Variants in DAB1 observed in about 807,000 individuals in gnomAD.
DAB1 encodes the protein disabled homolog 1.
In DAB1, 15 loss-of-function variants were observed where a neutral mutation model predicts 64.6. That is an observed-to-expected ratio of 0.23 (90% confidence interval 0.16 to 0.36). The LOEUF is 0.36. Among genes scored for constraint, DAB1 ranks in the 10% least tolerant of loss-of-function variants. The pLI, the probability that DAB1 is intolerant of heterozygous loss-of-function variation, is 1.00. For synonymous variants in DAB1, 235 were observed against 251.9 expected, an observed-to-expected ratio of 0.93 and a Z score of 0.64; for missense variants, 596 against 706.7, an observed-to-expected ratio of 0.84 and a Z score of 1.78.
intron 5 of DAB1, among the ~76,000 whole-genome samples, chr1:57,986,621 T>C (rs113969263): frequency 6.6e-6 from 1 of 152,292 alleles, no homozygotes; most frequent in Non-Finnish European, 1.5e-5. Context: ...TACCTTCTCA[T>C]CTAACATTAA....
intron 1 of DAB1, among the ~76,000 whole-genome samples, chr1:57,292,489 A>T (rs1194966860): frequency 6.6e-6 from 1 of 152,154 alleles, no homozygotes; most frequent in Non-Finnish European, 1.5e-5. Context: ...AGAAAATGAG[A>T]ATTTATCCTG....
intron 6 of DAB1, among the ~76,000 whole-genome samples, chr1:57,676,761 G>T (rs561915365): frequency 6.6e-6 from 1 of 152,102 alleles, no homozygotes; most frequent in Non-Finnish European, 1.5e-5. Context: ...GCCTTTCAAT[G>T]GGCTTTAAGT....
At chr1:58,155,703 C>T (rs929475546) in intron 4 of DAB1, among the ~76,000 whole-genome samples, 6 of 152,200 alleles carry the variant, frequency 3.9e-5, no homozygotes, top group African/African-American at 1.4e-4. Flanking sequence ...ATGACATGAC[C>T]GTAGATACAG....
intron 5 of DAB1, among the ~76,000 whole-genome samples, chr1:58,089,936 C>T (rs575974723): frequency 1.6e-4 from 25 of 152,274 alleles, no homozygotes; most frequent in African/African-American, 5.3e-4. Flanking sequence ...ATACTAGTGG[C>T]GTTTGGGCTG....
chr1:57,009,535 C>A (rs908719924), intron 14 of DAB1, among the ~76,000 whole-genome samples: 8 of 152,158 alleles, frequency 5.3e-5, no homozygotes, highest in African/African-American at 1.9e-4. Flanking sequence ...AAGACTAATT[C>A]TGAGGTAGCC....
At chr1:58,420,972 T>C (rs1467910836) in intron 3 of DAB1, among the ~76,000 whole-genome samples, 2 of 152,194 alleles carry the variant, frequency 1.3e-5, no homozygotes, top group African/African-American at 4.8e-5. Context: ...TTTACCCTAA[T>C]GCATGAAAGA....
chr1:58,080,140 T>C (rs908147282), intron 5 of DAB1: 2 of 152,184 alleles, frequency 1.3e-5, no homozygotes, highest in African/African-American at 4.8e-5. Context: ...TCTGTTAAGG[T>C]GTGCTCAACC....
intron 5 of DAB1, among the ~76,000 whole-genome samples, chr1:57,965,956 C>T (rs1010890612): frequency 1.3e-5 from 2 of 151,986 alleles, no homozygotes; most frequent in African/African-American, 4.8e-5. Context: ...GAGAGGAAAT[C>T]TGATAAATTC....
chr1:57,227,519 TTGTGTGTGTGTG>T (rs57671970), intron 2 of DAB1, among the ~76,000 whole-genome samples: 3,130 of 135,794 alleles, frequency 0.023, 109 homozygotes, highest in African/African-American at 0.078. Context: ...TTTTTTTCTT[TTGTGTGTGTGTG>T]TGTGTGTGTG....
intron 1 of DAB1, among the ~76,000 whole-genome samples, chr1:57,382,931 A>C (rs12127603): frequency 0.31 from 47,812 of 152,010 alleles, 8,021 homozygotes; most frequent in African/African-American, 0.4. Context: ...GCAAACAGAC[A>C]AACAAAAAAA....
At chr1:57,891,480 C>A (rs2101982871) in intron 5 of DAB1, among the ~76,000 whole-genome samples, 1 of 152,284 alleles carries the variant, frequency 6.6e-6, no homozygotes, top group East Asian at 1.9e-4. Flanking sequence ...ACTAGAATTA[C>A]CATTTGACCC....
At position 57,069,378 on chromosome 1, in the gene DAB1, C is replaced by G; in HGVS notation, c.645G>C (p.Thr215=). Residue 215 remains threonine, a synonymous_variant, in exon 8 of 15, where the codon ACG becomes ACC. Coordinates refer to ENST00000371236, the MANE Select transcript of DAB1 (RefSeq NM_001365792.1). ...AGHEPIRDPE[T]EENIYQVPTS... ...TTTATACCTGATAAATGTTTTCTTC[C>G]GTTTCGGGATCACGGATTGGCTCGT... The G allele has an allele frequency of 6.2e-7, 1 of 1,613,414 alleles. No homozygotes were observed. Among genetic ancestry groups the G allele is most frequent in the Non-Finnish European group, 8.5e-7 (1 of 1,179,474 alleles).
At chr1:57,174,630 T>TG (rs1662111473) in intron 2 of DAB1, among the ~76,000 whole-genome samples, 1 of 152,152 alleles carries the variant, frequency 6.6e-6, no homozygotes, top group African/African-American at 2.4e-5. Context: ...CTGCCTTGAG[T>TG]CCTCTGAACA....
intron 11 of DAB1, among the ~76,000 whole-genome samples, chr1:57,016,299 G>A (rs1187911178): frequency 1.3e-5 from 2 of 152,002 alleles, no homozygotes; most frequent in Non-Finnish European, 2.9e-5. Flanking sequence ...AAAAAAAATA[G>A]GGCCAGATGT....
intron 1 of DAB1, among the ~76,000 whole-genome samples, chr1:57,849,263 A>T (rs1365770780): frequency 6.6e-6 from 1 of 152,206 alleles, no homozygotes; most frequent in Non-Finnish European, 1.5e-5. Flanking sequence ...CTGCTACACC[A>T]AATGCATGAA....
intron 5 of DAB1, among the ~76,000 whole-genome samples, chr1:57,922,840 C>A (rs1485067608): frequency 1.1e-4 from 6 of 54,666 alleles, no homozygotes; most frequent in Admixed American, 2.9e-4. Flanking sequence ...AGCGAGACTC[C>A]ATCTCAAAAA....
intron 6 of DAB1, among the ~76,000 whole-genome samples, chr1:57,759,069 G>C (rs534298483): frequency 2.6e-5 from 4 of 151,884 alleles, no homozygotes; most frequent in Non-Finnish European, 5.9e-5. Context: ...CATCTCCGGA[G>C]GTGGAAGAAA....
chr1:57,799,337 C>T (rs943555963), intron 6 of DAB1, among the ~76,000 whole-genome samples: 1 of 152,082 alleles, frequency 6.6e-6, no homozygotes, highest in African/African-American at 2.4e-5. Flanking sequence ...CTTAAGCCTT[C>T]GGTGGCTTCC....
At chr1:57,804,635 A>G (rs1278014846) in intron 6 of DAB1, among the ~76,000 whole-genome samples, 1 of 152,216 alleles carries the variant, frequency 6.6e-6, no homozygotes, top group Admixed American at 6.5e-5. Context: ...TTAACAATTC[A>G]GCAGGTTTTG....
Sources: gnomAD v4.1 joint callset for allele counts (sites outside exome capture counted in the v4.1 genomes callset) on GRCh38, gnomAD v4.1.1 for gene constraint, MANE v1.5 for transcripts, NCBI Gene and HGNC (gene_info 2026-07-23, HGNC 2026-07-21) for gene names.